The following PTPRG variants were observed in gnomAD, a reference collection of about 807,000 sequenced individuals.
PTPRG encodes receptor-type tyrosine-protein phosphatase gamma.
A neutral mutation model predicts 165.3 loss-of-function variants in PTPRG; 102 were observed. The ratio of observed to expected loss-of-function variants is 0.62; its 90% CI spans 0.53 to 0.73. PTPRG has a LOEUF of 0.73. Ranked by LOEUF, PTPRG falls within the 30% of genes least tolerant of loss-of-function variation. The pLI, the probability that PTPRG is intolerant of heterozygous loss-of-function variation, is 0.00. For missense variants in PTPRG, 1,866 were observed against 1,861.4 expected, an observed-to-expected ratio of 1.00 and a Z score of -0.05; for synonymous variants, 675 against 669.5, an observed-to-expected ratio of 1.01 and a Z score of -0.13.
At chr3:61,608,984 G>A (rs1428162982) in intron 1 of PTPRG, among the ~76,000 whole-genome samples, 1 of 152,202 alleles carries the variant, frequency 6.6e-6, no homozygotes, top group Non-Finnish European at 1.5e-5. Flanking sequence ...AGGAGTGGCA[G>A]GAGTACCAGT....
intron 6 of PTPRG, among the ~76,000 whole-genome samples, chr3:62,135,437 G>C (rs1244512025): frequency 1.3e-5 from 2 of 152,156 alleles, no homozygotes; most frequent in Admixed American, 1.3e-4. Context: ...GATGTGTAAA[G>C]AGAAAAATCA....
intron 4 of PTPRG, among the ~76,000 whole-genome samples, chr3:62,061,632 CT>C (rs59972737): frequency 0.7 from 99,625 of 142,378 alleles, 35,146 homozygotes; most frequent in Middle Eastern, 0.8. Flanking sequence ...CTTTTCTTTT[CT>C]TTTTTTTTTT....
chr3:62,194,979 C>G lies in PTPRG; in HGVS notation c.1219-83C>G, dbSNP rs963036241. The G allele has an allele frequency of 2.3e-6, 3 of 1,296,456 alleles. No homozygotes were observed. The Admixed American group carries it at 5.1e-5, about 22-fold the overall frequency. The allele number at this position is 1,296,456 out of a possible 1,614,324, so 80.3% of individuals were successfully genotyped here. A position where few individuals can be genotyped will look rare whatever the true frequency, so the allele number is the denominator to read the frequency against. ...GCATCACACCTGTCAGGCATTGTCA[C>G]GGCACTCAGGTTTGGCTTTAGAATG... On this transcript the variant is annotated intron_variant, in intron 9 of 29. Coordinates refer to ENST00000474889, the MANE Select transcript of PTPRG (RefSeq NM_002841.4).
Position 61,804,692 on chromosome 3 carries a change from A to AT in PTPRG, c.190+55710_190+55711insT, listed in dbSNP as rs1553671998. 4.5e-3 allele frequency among the ~76,000 whole-genome samples: 676 copies of AT among 151,714 alleles called. 4 individuals are homozygous for AT. Among genetic ancestry groups the AT allele is most frequent in the African/African-American group, 0.015 (616 of 41,184 alleles). On this transcript the variant is annotated intron_variant, in intron 2 of 29. Transcript: ENST00000474889. ...TCTTTCTCTCTCCAAAAAAAAAAAA[A>AT]AAATAAAATCTACCTTGATGTGTCA...
intron 1 of PTPRG, among the ~76,000 whole-genome samples, chr3:61,713,951 G>A (rs1406301950): frequency 6.6e-6 from 1 of 152,160 alleles, no homozygotes; most frequent in Non-Finnish European, 1.5e-5. Flanking sequence ...ACAAATGAAC[G>A]ATAATGCCGT....
At chr3:62,146,319 T>C (rs923828868) in intron 6 of PTPRG, among the ~76,000 whole-genome samples, 2 of 152,186 alleles carry the variant, frequency 1.3e-5, no homozygotes, top group Non-Finnish European at 2.9e-5. Context: ...TAGATGTCTT[T>C]GAACCCTGTG....
chr3:61,797,581 A>ACCCCCCCCCCCCCCCCCC, intron 2 of PTPRG, among the ~76,000 whole-genome samples: 1 of 127,452 alleles, frequency 7.8e-6, no homozygotes, highest in Middle Eastern at 4.2e-3. Context: ...TTATCTCCAC[A>ACCCCCCCCCCCCCCCCCC]CCCCCCCCCA....
At chr3:62,071,080 T>G (rs1362182900) in intron 4 of PTPRG, among the ~76,000 whole-genome samples, 1 of 152,224 alleles carries the variant, frequency 6.6e-6, no homozygotes, top group African/African-American at 2.4e-5. Context: ...TCTCCATCTG[T>G]TCTTTTCTGT....
intron 4 of PTPRG, among the ~76,000 whole-genome samples, chr3:62,004,262 T>C (rs2041239921): frequency 6.6e-6 from 1 of 152,204 alleles, no homozygotes; most frequent in Non-Finnish European, 1.5e-5. Context: ...AGGTCCCCCA[T>C]GTGGTAAGCC....
intron 1 of PTPRG, among the ~76,000 whole-genome samples, chr3:61,708,306 A>G (rs930481072): frequency 2.6e-5 from 4 of 151,996 alleles, no homozygotes; most frequent in Non-Finnish European, 4.4e-5. Flanking sequence ...TAGAGTCATG[A>G]TGGAAGCAGT....
At chr3:61,941,272 C>G (rs1240633706) in intron 2 of PTPRG, among the ~76,000 whole-genome samples, 1 of 152,238 alleles carries the variant, frequency 6.6e-6, no homozygotes, top group Non-Finnish European at 1.5e-5. Context: ...ATCTATGACT[C>G]TCATTATTAT....
chr3:61,733,144 A>G (rs1434781080), intron 1 of PTPRG, among the ~76,000 whole-genome samples: 1 of 152,174 alleles, frequency 6.6e-6, no homozygotes, highest in Non-Finnish European at 1.5e-5. Context: ...GATTCTATGA[A>G]ATTAGAATTG....
At chr3:61,989,904 C>G in intron 3 of PTPRG, 100 bp downstream of exon 3, 1 of 1,330,412 alleles carries the variant, frequency 7.5e-7, no homozygotes. Context: ...AAATAGTGCA[C>G]ATTGCTGTGG....
intron 4 of PTPRG, among the ~76,000 whole-genome samples, chr3:62,059,799 C>T (rs888917370): frequency 1.3e-5 from 2 of 152,292 alleles, no homozygotes; most frequent in Admixed American, 6.5e-5. Context: ...CTGCTGTTCT[C>T]ATGATAGTGA....
chr3:62,082,412 C>G (rs977871795), intron 5 of PTPRG, among the ~76,000 whole-genome samples: 1 of 152,192 alleles, frequency 6.6e-6, no homozygotes, highest in Non-Finnish European at 1.5e-5. Context: ...TGGTTACTTG[C>G]ACTTTGCCCC....
chr3:61,859,726 A>G (rs991227805), intron 2 of PTPRG, among the ~76,000 whole-genome samples: 3 of 152,030 alleles, frequency 2.0e-5, no homozygotes, highest in Non-Finnish European at 2.9e-5. Flanking sequence ...TATGACCTGA[A>G]CCCAAGTCTT....
chr3:61,658,904 C>G (rs1241902138), intron 1 of PTPRG, among the ~76,000 whole-genome samples: 1 of 152,158 alleles, frequency 6.6e-6, no homozygotes, highest in South Asian at 2.1e-4. Context: ...GCCACCATGC[C>G]CTTGGAACTT....
At chr3:62,173,301 A>T (rs1208249247) in intron 8 of PTPRG, among the ~76,000 whole-genome samples, 2 of 151,902 alleles carry the variant, frequency 1.3e-5, no homozygotes, top group African/African-American at 4.8e-5. Context: ...GAATCCATGC[A>T]TGCAGAACCC....
chr3:62,279,858 T>C (rs1702366460), intron 26 of PTPRG, among the ~76,000 whole-genome samples: 1 of 152,076 alleles, frequency 6.6e-6, no homozygotes, highest in African/African-American at 2.4e-5. Flanking sequence ...CTGACTTCAA[T>C]GATAGTAGCT....
Sources: gnomAD v4.1 joint callset for allele counts (sites outside exome capture counted in the v4.1 genomes callset) on GRCh38, gnomAD v4.1.1 for gene constraint, MANE v1.5 for transcripts, NCBI Gene and HGNC (gene_info 2026-07-23, HGNC 2026-07-21) for gene names.